PLD2: variants seen among roughly 807,000 people sequenced by gnomAD.
PLD2 encodes the protein choline phosphatase 2.
A neutral mutation model predicts 119.8 loss-of-function variants in PLD2; 101 were observed. The ratio of observed to expected loss-of-function variants is 0.84; its 90% CI spans 0.72 to 0.99. The LOEUF (loss-of-function observed/expected upper bound fraction) is 0.99, where lower values mean the gene tolerates loss of function less well. Ranked by LOEUF, PLD2 falls within the 50% of genes least tolerant of loss-of-function variation. PLD2 has a pLI of 0.00. For missense variants in PLD2, 1,164 were observed against 1,226.8 expected (o/e 0.95, Z 0.76); for synonymous variants, 494 against 482.8 (o/e 1.02, Z -0.30).
Position 4,819,257 on chromosome 17 carries a change from T to C in PLD2, c.2308+39T>C, listed in dbSNP as rs915489344. 1 of 1,611,464 alleles carries C rather than the reference T, an allele frequency of 6.2e-7. No homozygotes were observed. The highest frequency in any genetic ancestry group is 2.2e-5 in the East Asian group (1 of 44,830). On this transcript the variant is annotated intron_variant, in intron 22 of 24. Coordinates refer to ENST00000263088, the MANE Select transcript of PLD2 (RefSeq NM_002663.5). This position sits in a 1 kb window ranked among gnomAD's most constrained non-coding sequence, Gnocchi z 4.2. ...CTAGTCCTCTGGCAGGGAGAGGGTG[T>C]GGGGACAGGCGAAGAGATGAGAGGC...
Position 4,819,619 on chromosome 17 carries a change from G to A in PLD2, c.2462+37G>A. 1 of 1,572,844 alleles carries A rather than the reference G, an allele frequency of 6.4e-7. No homozygotes were observed. The highest frequency in any genetic ancestry group is 1.2e-5 in the South Asian group (1 of 84,338). ...GCGGGATGCCACAGGGTGGGAGGGAGATGGGGGCGTCTGCCTTTTGAGCAG... is the reference window on the plus strand; with the variant it reads ...GCGGGATGCCACAGGGTGGGAGGGAAATGGGGGCGTCTGCCTTTTGAGCAG... On this transcript the variant is annotated intron_variant, in intron 23 of 24. Transcript: ENST00000263088. The surrounding 1 kb of genome is among the most constrained non-coding windows in gnomAD (Gnocchi z 4.2).
rs1266141793 is a variant in PLD2 at position 4,816,934 on chromosome 17, C to T, written c.1583-3C>T. On this transcript the variant is annotated splice_region_variant and splice_polypyrimidine_tract_variant and intron_variant, in intron 15 of 24. Coordinates refer to ENST00000263088, the MANE Select transcript of PLD2 (RefSeq NM_002663.5). Reference sequence around the variant, plus strand: ...CTCCCCTGACTCTCCTGGGACCCCCCAGATTTCATTGACAGGGAGACGACC... The same window carrying T: ...CTCCCCTGACTCTCCTGGGACCCCCTAGATTTCATTGACAGGGAGACGACC... The T allele has an allele frequency of 6.2e-7, 1 of 1,611,226 alleles. No homozygotes were observed. The highest frequency in any genetic ancestry group is 1.1e-5 in the South Asian group (1 of 90,756).
At chr17:4,817,724 C>T (rs1423987448) in intron 17 of PLD2, among the ~76,000 whole-genome samples, 2 of 151,192 alleles carry the variant, frequency 1.3e-5, no homozygotes, top group Non-Finnish European at 2.9e-5. Context: ...TTTGGGAGGC[C>T]GAGGCAGGCG....
In PLD2 at chr17:4,818,549, G is replaced by A. The variant is rs1395368952; in HGVS notation, c.2065G>A (p.Gly689Ser). The change falls in exon 20 of 25, where the codon GGT becomes AGT. Residue 689 changes from glycine to serine, a missense_variant. Physicochemically the swap from Gly to Ser is moderately conservative, Grantham distance 56. Coordinates refer to ENST00000263088, the MANE Select transcript of PLD2 (RefSeq NM_002663.5). ...VLLPLLPGFE[G>S]DISTGGGNSI... ...TTTGCCCTTACTCCCTGGCTTCGAG[G>A]GTGACATCTCCACGGGCGGTGGCAA... 6.2e-7 allele frequency: 1 copy of A among 1,613,968 alleles called. No individual in the cohort carries two copies. The highest frequency in any genetic ancestry group is 1.6e-4 in the Middle Eastern group (1 of 6,062).
At chr17:4,822,519 T>G (rs1597341879) in intron 24 of PLD2, 121 bp from the exon 25 acceptor site, 1 of 619,126 alleles carries the variant, frequency 1.6e-6, no homozygotes, top group East Asian at 2.8e-5. Context: ...AGAGAGTTAG[T>G]GGCCCAGGGT....
At chr17:4,812,870 G>T (rs773672343) in intron 10 of PLD2, among the ~76,000 whole-genome samples, 3 of 152,190 alleles carry the variant, frequency 2.0e-5, no homozygotes, top group Non-Finnish European at 4.4e-5. Flanking sequence ...AGGACATATT[G>T]TTGTTACTGA....
rs1950817019 is a variant in PLD2, at chr17:4,807,935, G to A, written c.110-49G>A. ...GGAGGAGAGGCGTTCGGGAGCCAGG[G>A]GGCTGGGGCCTGTTGTGGTCTACAC... On this transcript the variant is annotated intron_variant, in intron 2 of 24. Transcript: ENST00000263088. The surrounding 1 kb of genome is among the most constrained non-coding windows in gnomAD (Gnocchi z 5.4). 3 of 1,607,210 alleles carry A rather than the reference G, an allele frequency of 1.9e-6. 1 individual carries two copies.
intron 5 of PLD2, 44 bp from the exon 6 acceptor site, chr17:4,809,254 G>C (rs1430902042): frequency 1.2e-6 from 2 of 1,610,594 alleles, no homozygotes; most frequent in African/African-American, 2.7e-5. Context: ...GGTGCAAATG[G>C]CTCGGTCCCA....
chr17:4,819,527 G>A lies in PLD2; in HGVS notation c.2407G>A (p.Gly803Arg), dbSNP rs374094142. 5 of 1,613,908 alleles carry A rather than the reference G, an allele frequency of 3.1e-6. No individual in the cohort carries two copies. The African/African-American group carries it at 5.3e-5, about 17-fold the overall frequency. The change falls in exon 23 of 25, where the codon GGG (glycine) becomes AGG (arginine). Residue 803 changes from glycine to arginine, a missense_variant. Coordinates refer to ENST00000263088, the MANE Select transcript of PLD2 (RefSeq NM_002663.5). This position sits in a 1 kb window ranked among gnomAD's most constrained non-coding sequence, Gnocchi z 4.2. ...DTETEPSLMN[G>R]AEYQAGRFAL... ...AGAGACGGAACCATCCCTCATGAAT[G>A]GGGCAGAGTATCAGGCGGGCAGGTT...
At chr17:4,820,809 C>T (rs1329185844) in intron 23 of PLD2, among the ~76,000 whole-genome samples, 2 of 148,638 alleles carry the variant, frequency 1.3e-5, no homozygotes, top group Admixed American at 1.3e-4. Flanking sequence ...ATCTCTTGAC[C>T]TCGTGATCTG....
chr17:4,814,452 G>A lies in PLD2; in HGVS notation c.1045G>A (p.Ala349Thr). 1.2e-6 allele frequency: 2 copies of A among 1,612,876 alleles called. No homozygotes were observed. Among genetic ancestry groups the A allele is most frequent in the Non-Finnish European group, 1.7e-6 (2 of 1,179,718 alleles). Residue 349 changes from alanine (A) to threonine (T), a missense_variant, in exon 11 of 25, where the codon GCA becomes ACA. Ala to Thr is a moderately conservative substitution (Grantham distance 58). Coordinates refer to ENST00000263088, the MANE Select transcript of PLD2 (RefSeq NM_002663.5). ...VNGAGYFAAV[A>T]DAILRAQEEI... is the part of the protein sequence containing the mutation. ...TGGGGCAGGTTACTTTGCTGCTGTGGCAGATGCCATCCTTCGAGCTCAAGA... is the reference window on the plus strand; with the variant it reads ...TGGGGCAGGTTACTTTGCTGCTGTGACAGATGCCATCCTTCGAGCTCAAGA...
chr17:4,812,059 C>A (rs1404900746), intron 10 of PLD2, among the ~76,000 whole-genome samples: 1 of 151,630 alleles, frequency 6.6e-6, no homozygotes, highest in East Asian at 1.9e-4. Context: ...AAGGGATCAT[C>A]CTGCCTCGGC....
rs776642496 is a variant in PLD2 at position 4,818,411 on chromosome 17, G to T, written c.2009+26G>T. ...GTAAGGTGGACTGTCAGGAAGGTGGGGACTGTGGGTGTGGTTTGAGCCCGG... is the reference window on the plus strand; with the variant it reads ...GTAAGGTGGACTGTCAGGAAGGTGGTGACTGTGGGTGTGGTTTGAGCCCGG... On this transcript the variant is annotated intron_variant, in intron 19 of 24. Transcript: ENST00000263088. 22 of 1,612,062 alleles carry T rather than the reference G, an allele frequency of 1.4e-5. No individual in the cohort carries two copies. In the East Asian group the frequency reaches 4.9e-4, roughly 36 times the overall value.
Position 4,807,706 on chromosome 17 carries a change from G to A in PLD2, c.-1-66G>A, listed in dbSNP as rs1198842620. On this transcript the variant is annotated intron_variant, in intron 1 of 24. Transcript: ENST00000263088. This position sits in a 1 kb window ranked among gnomAD's most constrained non-coding sequence, Gnocchi z 5.4. ...ATCTGGAAGAGATGGAGGACCTGCG[G>A]GAGTTAGGATGGGGGGCGGGTTCTG... The A allele has an allele frequency of 2.5e-5, 22 of 866,068 alleles. No homozygotes were observed. The highest frequency in any genetic ancestry group is 7.9e-5 in the Admixed American group (4 of 50,920). 53.6% of individuals were successfully genotyped at this position (866,068 alleles called of 1,614,324 possible).
chr17:4,809,965 G>A lies in PLD2; in HGVS notation c.796G>A (p.Glu266Lys), dbSNP rs763651895. 3.1e-6 allele frequency: 5 copies of A among 1,614,026 alleles called. No individual in the cohort carries two copies. The highest frequency in any genetic ancestry group is 4.2e-6 in the Non-Finnish European group (5 of 1,180,048). Residue 266 changes from glutamate to lysine, a missense_variant, in exon 9 of 25, where the codon GAG becomes AAG. Glu to Lys is a moderately conservative substitution (Grantham distance 56). Coordinates refer to ENST00000263088, the MANE Select transcript of PLD2 (RefSeq NM_002663.5). ...SFVQLFDPGF[E>K]VQVGKRSTEA... ...TGTTCAGCTCTTTGACCCTGGCTTT[G>A]AGGTGCAAGTGGGGAAAAGGAGCAC...
At chr17:4,811,422 G>C (rs958981961) in intron 10 of PLD2, among the ~76,000 whole-genome samples, 1 of 149,436 alleles carries the variant, frequency 6.7e-6, no homozygotes, top group Non-Finnish European at 1.5e-5. Flanking sequence ...GATTACAGGC[G>C]CCCACCACCA....
In PLD2 at chr17:4,817,986, A is replaced by G. The variant is rs766963779; in HGVS notation, c.1816-16A>G. ...AAAGAAAAGAAATGAAGCACATCGCATTCACCATTCCCTAGGTCTTGCGAT... is the reference window on the plus strand; with the variant it reads ...AAAGAAAAGAAATGAAGCACATCGCGTTCACCATTCCCTAGGTCTTGCGAT... On this transcript the variant is annotated splice_polypyrimidine_tract_variant and intron_variant, in intron 17 of 24. Coordinates refer to ENST00000263088, the MANE Select transcript of PLD2 (RefSeq NM_002663.5). 1.9e-6 allele frequency: 3 copies of G among 1,570,648 alleles called. No individual in the cohort carries two copies. Among genetic ancestry groups the G allele is most frequent in the Non-Finnish European group, 2.6e-6 (3 of 1,140,728 alleles).
chr17:4,815,650 C>T (rs1330263275), intron 13 of PLD2, 64 bp downstream of exon 13: 3 of 1,582,360 alleles, frequency 1.9e-6, no homozygotes, highest in Non-Finnish European at 1.7e-6. Context: ...TCCCAGCCCC[C>T]AGCGCTCCCG....
Position 4,815,590 on chromosome 17 carries a change from ACT to A in PLD2, c.1284+8_1284+9del, listed in dbSNP as rs764079571. On this transcript the variant is annotated splice_donor_5th_base_variant and intron_variant, in intron 13 of 24. Coordinates refer to ENST00000263088, the MANE Select transcript of PLD2 (RefSeq NM_002663.5). ...GCTGCTGCACCCCAACATAAAGGTGACTCTCGGCCTCAGAGACCCTCCCACAT... is the reference window on the plus strand; with the variant it reads ...GCTGCTGCACCCCAACATAAAGGTGACTCGGCCTCAGAGACCCTCCCACAT... 4 of 1,609,098 alleles carry A rather than the reference ACT, an allele frequency of 2.5e-6. No individual in the cohort carries two copies. The African/African-American group carries it at 4.0e-5, about 16-fold the overall frequency.
Sources: allele counts gnomAD v4.1 joint callset (sites outside exome capture counted in the v4.1 genomes callset), GRCh38; gene constraint gnomAD v4.1.1; non-coding constraint Gnocchi (gnomAD v3.1); transcripts MANE v1.5; gene names NCBI Gene and HGNC (gene_info 2026-07-23, HGNC 2026-07-21).